MYO16: variants seen among roughly 807,000 people sequenced by gnomAD.
MYO16 encodes myosin XVI, also known as unconventional myosin-XVI.
In MYO16, 94 loss-of-function variants were observed where a neutral mutation model predicts 205.3. The observed-to-expected ratio is 0.46, with a 90% CI of 0.39 to 0.54. MYO16 has a LOEUF of 0.54. MYO16 is among the 20% of genes least tolerant of loss of function. MYO16 has a pLI of 0.00. For missense variants in MYO16, 2,315 were observed against 2,387.5 expected, an observed-to-expected ratio of 0.97 and a Z score of 0.63; for synonymous variants, 988 against 954.0, an observed-to-expected ratio of 1.04 and a Z score of -0.66.
At chr13:108,941,915 A>G (rs1490715166) in intron 16 of MYO16, among the ~76,000 whole-genome samples, 1 of 152,238 alleles carries the variant, frequency 6.6e-6, no homozygotes. Flanking sequence ...CTACAGACAC[A>G]TTATACTCCT....
intron 20 of MYO16, among the ~76,000 whole-genome samples, chr13:108,967,535 G>A (rs1005706379): frequency 6.6e-6 from 1 of 152,116 alleles, no homozygotes; most frequent in African/African-American, 2.4e-5. Context: ...TGTCCTCTGT[G>A]AGCCTGACTG....
chr13:108,856,204 T>TTTTCTC (rs1878162710), intron 11 of MYO16, among the ~76,000 whole-genome samples: 1 of 152,176 alleles, frequency 6.6e-6, no homozygotes, highest in African/African-American at 2.4e-5. Flanking sequence ...TTCTCTTTCT[T>TTTTCTC]TTTCTCTTCC....
chr13:108,621,429 T>G (rs1879537654), intron 1 of MYO16, among the ~76,000 whole-genome samples: 1 of 152,204 alleles, frequency 6.6e-6, no homozygotes, highest in Non-Finnish European at 1.5e-5. Context: ...ATTTAATATT[T>G]GTATTCTATT....
At chr13:108,606,290 A>C (rs1878955718) in intron 1 of MYO16, among the ~76,000 whole-genome samples, 1 of 152,202 alleles carries the variant, frequency 6.6e-6, no homozygotes, top group Non-Finnish European at 1.5e-5. Context: ...ATTTGTCTCC[A>C]AGGCATGTCA....
Position 108,793,650 on chromosome 13 carries a change from T to C in MYO16, c.741+10T>C. The C allele has an allele frequency of 6.2e-7, 1 of 1,609,652 alleles. No homozygotes were observed. Among genetic ancestry groups the C allele is most frequent in the African/African-American group, 1.3e-5 (1 of 74,938 alleles). The stretch of plus-strand genomic sequence containing the variant: ...TGAAGGAGTAACCCTGGTAAGTTCA[T>C]ATATTTGACTCAGAAACTATTTGAA... On this transcript the variant is annotated intron_variant, in intron 6 of 34. Coordinates refer to ENST00000457511, the MANE Select transcript of MYO16 (RefSeq NM_001198950.3).
chr13:109,068,985 C>G (rs1312790415), intron 27 of MYO16, among the ~76,000 whole-genome samples: 1 of 152,200 alleles, frequency 6.6e-6, no homozygotes, highest in Admixed American at 6.5e-5. Flanking sequence ...ACATTCAAGG[C>G]TGTGAATTCA....
chr13:108,970,134 G>T (rs113647837), intron 20 of MYO16, among the ~76,000 whole-genome samples: 2,419 of 152,302 alleles, frequency 0.016, 53 homozygotes, highest in African/African-American at 0.055. Flanking sequence ...TATGGTGGCT[G>T]CCAGAAATGT....
the MYO16 span, among the ~76,000 whole-genome samples, chr13:108,524,442 T>C: frequency 2.0e-5 from 3 of 152,242 alleles, no homozygotes; most frequent in Non-Finnish European, 4.4e-5. Flanking sequence ...TGAAAGCTCC[T>C]TGAAGCTTCA....
At chr13:108,675,372 G>A (rs1041049459) in intron 2 of MYO16, among the ~76,000 whole-genome samples, 2 of 152,160 alleles carry the variant, frequency 1.3e-5, no homozygotes, top group African/African-American at 4.8e-5. Flanking sequence ...AATTAAAGAT[G>A]CCCATTTCCA....
intron 23 of MYO16, among the ~76,000 whole-genome samples, chr13:109,040,767 G>A (rs1326031630): frequency 4.6e-5 from 7 of 152,134 alleles, no homozygotes; most frequent in Non-Finnish European, 7.4e-5. Context: ...TTATATTTAA[G>A]GGTGAAATCT....
At chr13:108,929,228 C>G (rs937067641) in intron 16 of MYO16, among the ~76,000 whole-genome samples, 1 of 152,082 alleles carries the variant, frequency 6.6e-6, no homozygotes, top group Admixed American at 6.5e-5. Context: ...TCAAAGAATA[C>G]AAAATTGTTT....
chr13:109,141,043 C>A lies in MYO16; in HGVS notation c.4831C>A (p.Pro1611Thr), dbSNP rs1877058978. Residue 1611 changes from proline to threonine, a missense_variant, in exon 32 of 35, where the codon CCC (proline) becomes ACC (threonine). Around this residue, in one of 3 missense-constraint regions of MYO16, gnomAD observed 1,097 missense variants for 1,092.0 expected, o/e 1.00. Transcript: ENST00000457511. This position sits in a 1 kb window ranked among gnomAD's most constrained non-coding sequence, Gnocchi z 4.1. ...PPGPPPAPYR[P>T]CAHLAFPPEP... is the part of the protein sequence containing the mutation. ...CGGGCCGCCCCCCGCGCCCTACAGG[C>A]CCTGCGCGCACTTGGCCTTCCCGCC... 2 of 1,411,532 alleles carry A rather than the reference C, an allele frequency of 1.4e-6. No individual in the cohort carries two copies. The highest frequency in any genetic ancestry group is 1.8e-6 in the Non-Finnish European group (2 of 1,087,664). The allele number at this position is 1,411,532 out of a possible 1,614,324, so 87.4% of individuals were successfully genotyped here.
chr13:108,617,414 A>G (rs1204500883), intron 1 of MYO16, among the ~76,000 whole-genome samples: 4 of 152,144 alleles, frequency 2.6e-5, no homozygotes, highest in Non-Finnish European at 5.9e-5. Context: ...ATGATAGCTC[A>G]TTTCAGCCAA....
intron 20 of MYO16, among the ~76,000 whole-genome samples, chr13:108,967,588 G>A (rs575399340): frequency 6.6e-6 from 1 of 152,290 alleles, no homozygotes; most frequent in South Asian, 2.1e-4. Context: ...GGGGACCACT[G>A]AGGGCCACAC....
At chr13:109,176,912 T>A (rs1879221911) in intron 33 of MYO16, among the ~76,000 whole-genome samples, 1 of 152,198 alleles carries the variant, frequency 6.6e-6, no homozygotes, top group Non-Finnish European at 1.5e-5. Context: ...TGGGACCCAT[T>A]CTTTCTTTAG....
At chr13:108,774,448 A>G (rs925980940) in intron 4 of MYO16, among the ~76,000 whole-genome samples, 1 of 152,226 alleles carries the variant, frequency 6.6e-6, no homozygotes, top group African/African-American at 2.4e-5. Flanking sequence ...CCCTATAGGA[A>G]CTATGCAGTC....
intron 10 of MYO16, among the ~76,000 whole-genome samples, chr13:108,854,104 G>A (rs9555521): frequency 0.089 from 13,496 of 151,852 alleles, 781 homozygotes; most frequent in Non-Finnish European, 0.12. Context: ...AGCAATTCTC[G>A]TGCCTCAGCT....
the MYO16 span, among the ~76,000 whole-genome samples, chr13:108,585,520 C>T: frequency 2.9e-3 from 435 of 152,164 alleles, 5 homozygotes; most frequent in Non-Finnish European, 2.8e-3. Context: ...CAGACTTAAA[C>T]GGGTGCCTGG....
At chr13:108,594,089 C>T (rs918415711), upstream of MYO16, among the ~76,000 whole-genome samples, 5 of 152,224 alleles carry the variant, frequency 3.3e-5, no homozygotes, top group Admixed American at 3.3e-4. Context: ...CTACCCAAGA[C>T]ACCCTTGCTG....
Sources: allele counts gnomAD v4.1 joint callset (sites outside exome capture counted in the v4.1 genomes callset), GRCh38; gene constraint gnomAD v4.1.1; regional missense constraint gnomAD v4.1.1; non-coding constraint Gnocchi (gnomAD v3.1); transcripts MANE v1.5; gene names NCBI Gene and HGNC (gene_info 2026-07-23, HGNC 2026-07-21).